Variants in PCCA observed in about 807,000 individuals in gnomAD.
The protein encoded by PCCA is propionyl-CoA carboxylase alpha chain, mitochondrial.
Under a neutral mutation model 101.3 loss-of-function variants are expected in PCCA, and 74 were observed. The ratio of observed to expected loss-of-function variants is 0.73; its 90% CI spans 0.61 to 0.89. The LOEUF (loss-of-function observed/expected upper bound fraction) is 0.89. Among genes scored for constraint, PCCA ranks in the 40% least tolerant of loss-of-function variants. The pLI, the probability that PCCA is intolerant of heterozygous loss-of-function variation, is 0.00. For missense variants in PCCA, 891 were observed against 907.0 expected (o/e 0.98, Z 0.23); for synonymous variants, 294 against 313.6 (o/e 0.94, Z 0.66).
In PCCA at chr13:100,423,802, G is replaced by A. The variant is rs139417189; in HGVS notation, c.1747-1831G>A. Among the ~76,000 whole-genome samples, 49 of 152,316 alleles carry A rather than the reference G, an allele frequency of 3.2e-4. No homozygotes were observed. The East Asian group carries it at 6.4e-3, about 20-fold the overall frequency. On this transcript the variant is annotated intron_variant, in intron 19 of 23. Transcript: ENST00000376285. ...CCAGCTTCTGCTGAGGTGAGGTCTG[G>A]GAGCAGTGAGAGAGGCCTTTGGGAA... is the stretch of plus-strand genomic sequence containing the variant.
chr13:100,226,503 T>G (rs1263903416), intron 7 of PCCA, among the ~76,000 whole-genome samples: 2 of 152,166 alleles, frequency 1.3e-5, no homozygotes, highest in East Asian at 3.8e-4. Flanking sequence ...TGTATGGGTG[T>G]TTAGCATCTG....
Position 100,530,295 on chromosome 13 carries a change from C to CAG in PCCA, c.*132_*133dup, listed in dbSNP as rs1175187211. On this transcript the variant is annotated 3_prime_UTR_variant, in exon 24 of 24. Transcript: ENST00000376285. ...TACGTTTACGTCGTCATTTATTCCA[C>CAG]AGAGTCAAGACCAATATTCTGCCAA... 126 of 784,412 alleles carry CAG rather than the reference C, an allele frequency of 1.6e-4. No homozygotes were observed. Among genetic ancestry groups the CAG allele is most frequent in the Non-Finnish European group, 2.3e-4 (105 of 448,996 alleles). 48.6% of individuals were successfully genotyped at this position (784,412 alleles called of 1,614,324 possible).
intron 4 of PCCA, among the ~76,000 whole-genome samples, chr13:100,131,224 T>C (rs1024903048): frequency 3.3e-5 from 5 of 152,168 alleles, no homozygotes; most frequent in African/African-American, 9.7e-5. Flanking sequence ...TCGGTTCAGA[T>C]TGAACCCTAA....
At chr13:100,383,146 A>G (rs1176394645) in intron 19 of PCCA, among the ~76,000 whole-genome samples, 2 of 151,982 alleles carry the variant, frequency 1.3e-5, no homozygotes, top group African/African-American at 4.8e-5. Flanking sequence ...GCATGCTACC[A>G]TGTCTGGCTA....
intron 4 of PCCA, among the ~76,000 whole-genome samples, chr13:100,131,608 A>G (rs1478644067): frequency 1.3e-5 from 2 of 152,216 alleles, no homozygotes. Flanking sequence ...GTTTCGCATT[A>G]TCAATTTTTA....
intron 21 of PCCA, among the ~76,000 whole-genome samples, chr13:100,487,732 A>C (rs1161599894): frequency 6.6e-6 from 1 of 151,836 alleles, no homozygotes; most frequent in Non-Finnish European, 1.5e-5. Flanking sequence ...CTTTTAATTA[A>C]TTTATTTTTT....
At chr13:100,313,210 G>A (rs2067064071) in intron 16 of PCCA, among the ~76,000 whole-genome samples, 2 of 151,940 alleles carry the variant, frequency 1.3e-5, no homozygotes, top group Admixed American at 6.6e-5. Context: ...AAACATCATG[G>A]CGCATCACTC....
chr13:100,371,254 T>C (rs545574157), intron 19 of PCCA, among the ~76,000 whole-genome samples: 1 of 152,270 alleles, frequency 6.6e-6, no homozygotes, highest in South Asian at 2.1e-4. Context: ...GTTGCAACAA[T>C]ATACATACTT....
intron 16 of PCCA, among the ~76,000 whole-genome samples, chr13:100,322,720 G>A (rs2068202318): frequency 6.6e-6 from 1 of 151,856 alleles, no homozygotes; most frequent in Non-Finnish European, 1.5e-5. Flanking sequence ...ATAGGCACAT[G>A]CCACCATTCC....
At chr13:100,489,099 A>G (rs1485888505) in intron 21 of PCCA, among the ~76,000 whole-genome samples, 1 of 152,024 alleles carries the variant, frequency 6.6e-6, no homozygotes, top group African/African-American at 2.4e-5. Context: ...AGGTCAGGAG[A>G]TCGAGACCAT....
chr13:100,347,822 G>A (rs2072510441), intron 18 of PCCA, among the ~76,000 whole-genome samples: 1 of 151,830 alleles, frequency 6.6e-6, no homozygotes, highest in South Asian at 2.1e-4. Flanking sequence ...TTCATTTTTG[G>A]TGAGTTTATT....
intron 12 of PCCA, among the ~76,000 whole-genome samples, chr13:100,278,447 T>A (rs1014116756): frequency 5.9e-5 from 9 of 152,074 alleles, no homozygotes; most frequent in Admixed American, 3.9e-4. Context: ...TGTTCAAGTT[T>A]GTACCATGGT....
At chr13:100,472,333 C>G (rs2083085828) in intron 21 of PCCA, among the ~76,000 whole-genome samples, 1 of 151,956 alleles carries the variant, frequency 6.6e-6, no homozygotes, top group Non-Finnish European at 1.5e-5. Flanking sequence ...GGGGAGAGTT[C>G]TCTGCTTCCT....
chr13:100,474,821 G>T (rs2083299963), intron 21 of PCCA, among the ~76,000 whole-genome samples: 1 of 152,084 alleles, frequency 6.6e-6, no homozygotes, highest in African/African-American at 2.4e-5. Context: ...TTGACTGTTT[G>T]ATTTACAGAG....
At chr13:100,297,874 A>G (rs1176749360) in intron 12 of PCCA, among the ~76,000 whole-genome samples, 1 of 152,118 alleles carries the variant, frequency 6.6e-6, no homozygotes, top group African/African-American at 2.4e-5. Flanking sequence ...TTTATCAACA[A>G]CTGTTAGACT....
Position 100,463,336 on chromosome 13 carries a change from GTTTTT to G in PCCA, c.1899+14050_1899+14054del, listed in dbSNP as rs574359198. ...AGAGGTGGTTGGTTTTATTGGTGTGGTTTTTTTTTTTTTTTTTTTTTTTGACAACT... is the reference window on the plus strand; with the variant it reads ...AGAGGTGGTTGGTTTTATTGGTGTGGTTTTTTTTTTTTTTTTTTGACAACT... On this transcript the variant is annotated intron_variant, in intron 21 of 23. Transcript: ENST00000376285. 4.6e-3 allele frequency among the ~76,000 whole-genome samples: 531 copies of G among 114,306 alleles called. 1 individual carries two copies. The highest frequency in any genetic ancestry group is 0.012 in the African/African-American group (345 of 29,184). The allele number at this position is 114,306 out of a possible 152,430, so 75.0% of individuals were successfully genotyped here. A position where few individuals can be genotyped will look rare whatever the true frequency, so the allele number is the denominator to read the frequency against.
chr13:100,117,577 G>A (rs1006794662), intron 4 of PCCA, among the ~76,000 whole-genome samples: 10 of 151,824 alleles, frequency 6.6e-5, no homozygotes, highest in Non-Finnish European at 1.5e-4. Flanking sequence ...GAACAATGAA[G>A]ACACTTGGAC....
chr13:100,244,502 T>C (rs1018418284), intron 8 of PCCA, among the ~76,000 whole-genome samples: 1 of 152,210 alleles, frequency 6.6e-6, no homozygotes, highest in African/African-American at 2.4e-5. Flanking sequence ...GTTTTATTGT[T>C]AGTCATTCGT....
At chr13:100,349,104 G>A (rs539731437) in intron 18 of PCCA, among the ~76,000 whole-genome samples, 3 of 151,600 alleles carry the variant, frequency 2.0e-5, no homozygotes, top group South Asian at 2.1e-4. Context: ...CGCCAGGCCC[G>A]GCTAATTTTT....
Sources: gnomAD v4.1 joint callset for allele counts (sites outside exome capture counted in the v4.1 genomes callset) on GRCh38, gnomAD v4.1.1 for gene constraint, MANE v1.5 for transcripts, NCBI Gene and HGNC (gene_info 2026-07-23, HGNC 2026-07-21) for gene names.